Variants in VPS33A observed in about 807,000 individuals in gnomAD.
VPS33A encodes the protein vacuolar protein sorting-associated protein 33A.
In VPS33A, 32 loss-of-function variants were observed where a neutral mutation model predicts 71.8. That is an observed-to-expected ratio of 0.45 (90% confidence interval 0.34 to 0.60). VPS33A has a LOEUF of 0.60. VPS33A is among the 20% of genes least tolerant of loss of function. The pLI is 0.02. For missense variants in VPS33A, 625 were observed against 748.5 expected (o/e 0.84, Z 1.92); for synonymous variants, 311 against 292.7 (o/e 1.06, Z -0.64).
chr12:122,254,124 T>C (rs1293919990), intron 4 of VPS33A, among the ~76,000 whole-genome samples: 3 of 152,278 alleles, frequency 2.0e-5, no homozygotes, highest in African/African-American at 4.8e-5. Context: ...CACAGTACCT[T>C]AAGCAATGTT....
intron 11 of VPS33A, among the ~76,000 whole-genome samples, chr12:122,234,674 C>T (rs747634526): frequency 3.9e-5 from 6 of 152,174 alleles, no homozygotes; most frequent in Non-Finnish European, 8.8e-5. Context: ...GCTCTGTGCC[C>T]GGAGATGGAC....
chr12:122,254,236 T>C (rs981108662), intron 4 of VPS33A, among the ~76,000 whole-genome samples: 1 of 152,140 alleles, frequency 6.6e-6, no homozygotes, highest in Non-Finnish European at 1.5e-5. Context: ...GATCTAGATG[T>C]ACCTCCTGAA....
At chr12:122,263,879 C>T (rs1955032278) in intron 2 of VPS33A, among the ~76,000 whole-genome samples, 180 bp from the exon 3 acceptor site, 1 of 152,168 alleles carries the variant, frequency 6.6e-6, no homozygotes, top group Admixed American at 6.5e-5. Flanking sequence ...ACTGTTACTG[C>T]ATCAGCATTC....
chr12:122,266,153 T>G lies in VPS33A; in HGVS notation c.102+154A>C, dbSNP rs2277332. 0.48 allele frequency among the ~76,000 whole-genome samples: 72,605 copies of G among 152,044 alleles called. 20,435 individuals are homozygous for G. The highest frequency in any genetic ancestry group is 0.78 in the African/African-American group (32,299 of 41,474). ...CAGGGCCCCCCCCTTCATCGCTGCC[T>G]CCTGCACAGGGGTGCAGGTAAAAGG... On this transcript the variant is annotated intron_variant, in intron 1 of 12. Transcript: ENST00000267199.
intron 6 of VPS33A, among the ~76,000 whole-genome samples, chr12:122,246,172 G>C (rs1228224554): frequency 1.3e-5 from 2 of 152,116 alleles, no homozygotes; most frequent in African/African-American, 4.8e-5. Context: ...AGGGAATCCA[G>C]GGAAAGAAAA....
At chr12:122,265,559 T>C (rs967269826) in intron 1 of VPS33A, 5 of 283,036 alleles carry the variant, frequency 1.8e-5, no homozygotes, top group East Asian at 1.5e-4. Flanking sequence ...GATTTCAGCA[T>C]CCTTTTCTGA....
At position 122,266,397 on chromosome 12, in the gene VPS33A, A is replaced by G. The variant is rs2136157760; in HGVS notation, c.12T>C (p.His4=). 1 of 1,611,190 alleles carries G rather than the reference A, an allele frequency of 6.2e-7. No homozygotes were observed. Among genetic ancestry groups the G allele is most frequent in the Non-Finnish European group, 8.5e-7 (1 of 1,178,212 alleles). Residue 4 remains histidine (H), a synonymous_variant, in exon 1 of 13, where the codon CAT becomes CAC. Transcript: ENST00000267199. MAA[H]LSYGRVNLNV... is the part of the protein sequence containing the mutation. ...TTAGGTTCACTCGGCCGTAGGACAG[A>G]TGAGCCGCCATCTTGCTCCACCACC... is the stretch of plus-strand genomic sequence containing the variant.
intron 6 of VPS33A, among the ~76,000 whole-genome samples, chr12:122,246,443 G>T (rs1224665101): frequency 1.4e-5 from 2 of 141,280 alleles, no homozygotes; most frequent in African/African-American, 5.3e-5. Flanking sequence ...AGGATTACAG[G>T]CGCCCGCCAC....
intron 8 of VPS33A, chr12:122,241,119 A>C (rs1170121503): frequency 4.7e-5 from 7 of 148,578 alleles, no homozygotes; most frequent in Admixed American, 2.0e-4. Flanking sequence ...GGGCAACAAG[A>C]GTGAAACTCC....
Position 122,263,643 on chromosome 12 carries a change from A to T in VPS33A, c.225T>A (p.Asp75Glu). Residue 75 changes from aspartate (D) to glutamate (E), a missense_variant, in exon 3 of 13, where the codon GAT becomes GAA. By Grantham distance (45) the Asp-to-Glu change is conservative. Coordinates refer to ENST00000267199, the MANE Select transcript of VPS33A (RefSeq NM_022916.6). ...TLKGNRLPAA[D>E]VKNIIFFVRP... ...TGACAAAAAAAATTATATTCTTCAC[A>T]TCAGCTGCCGGCAAACGATTTCCTT... is the stretch of plus-strand genomic sequence containing the variant. The T allele has an allele frequency of 6.2e-7, 1 of 1,613,420 alleles. No individual in the cohort carries two copies. The highest frequency in any genetic ancestry group is 1.1e-5 in the South Asian group (1 of 91,022).
chr12:122,235,764 G>A (rs538348057), intron 11 of VPS33A, 22 bp downstream of exon 11: 25 of 1,600,518 alleles, frequency 1.6e-5, no homozygotes, highest in Middle Eastern at 1.7e-4. Context: ...AAGCTGAGAC[G>A]AGGTGGAGAA....
At chr12:122,243,782 A>C (rs763231085) in intron 7 of VPS33A, among the ~76,000 whole-genome samples, 1 of 152,004 alleles carries the variant, frequency 6.6e-6, no homozygotes, top group Admixed American at 6.6e-5. Flanking sequence ...TCTGCCAGGC[A>C]TGATGGCATG....
At position 122,239,937 on chromosome 12, in the gene VPS33A, C is replaced by G. The variant is rs748835258; in HGVS notation, c.1105G>C (p.Asp369His). 6.2e-7 allele frequency: 1 copy of G among 1,612,760 alleles called. No homozygotes were observed. The highest frequency in any genetic ancestry group is 8.5e-7 in the Non-Finnish European group (1 of 1,179,328). The change falls in exon 9 of 13, where the codon GAC (aspartate) becomes CAC (histidine). Residue 369 changes from aspartate (D) to histidine (H), a missense_variant. By Grantham distance (81) the Asp-to-His change is moderately conservative. Coordinates refer to ENST00000267199, the MANE Select transcript of VPS33A (RefSeq NM_022916.6). ...ELIKDVTTSE[D>H]FFDKLTVEQE... ...TCCACGGTTAATTTATCAAAAAAGT[C>G]TTCAGAAGCTAAAATGAAATTAGCA...
intron 11 of VPS33A, among the ~76,000 whole-genome samples, chr12:122,234,348 G>C (rs1954602438): frequency 6.6e-6 from 1 of 152,070 alleles, no homozygotes; most frequent in Non-Finnish European, 1.5e-5. Context: ...TGCAATCTCA[G>C]CTCACTGTAG....
intron 9 of VPS33A, among the ~76,000 whole-genome samples, chr12:122,239,655 C>A (rs992352861): frequency 6.7e-6 from 1 of 148,524 alleles, no homozygotes; most frequent in African/African-American, 2.5e-5. Context: ...GGCGTCAACC[C>A]GGGAGGCGGA....
intron 4 of VPS33A, chr12:122,253,672 A>G (rs1954875339): frequency 6.5e-6 from 1 of 154,156 alleles, no homozygotes; most frequent in Non-Finnish European, 1.5e-5. Context: ...TAAAAGATGT[A>G]AAAGTTAACA....
In VPS33A at chr12:122,238,693, T is replaced by C; in HGVS notation, c.1196A>G (p.Gln399Arg). ...TAACACCTTGATCAACGAGTGCTTT[T>C]GGGCGATACAATCCTCAATGTAATT... ...VNNYIEDCIA[Q>R]KHSLIKVLRL... Residue 399 changes from glutamine to arginine, a missense_variant, in exon 10 of 13, where the codon CAA becomes CGA. Coordinates refer to ENST00000267199, the MANE Select transcript of VPS33A (RefSeq NM_022916.6). The C allele has an allele frequency of 6.2e-7, 1 of 1,613,856 alleles. No individual in the cohort carries two copies. The highest frequency in any genetic ancestry group is 8.5e-7 in the Non-Finnish European group (1 of 1,179,962).
intron 1 of VPS33A, among the ~76,000 whole-genome samples, 175 bp downstream of exon 1, chr12:122,266,132 G>GCC (rs146100866): frequency 9.9e-5 from 15 of 151,830 alleles, no homozygotes; most frequent in African/African-American, 1.5e-4. Context: ...TACGCCCAGG[G>GCC]CCCCCCCCTT....
In VPS33A at chr12:122,250,073, G is replaced by A. The variant is rs772738151; in HGVS notation, c.601-28C>T. 5.1e-6 allele frequency: 8 copies of A among 1,564,294 alleles called. No homozygotes were observed. In the South Asian group the frequency reaches 9.6e-5, roughly 19 times the overall value. ...GGAAACAAAACATTGGATGAGGTGGGGCCCCCCTGGGAACAAGCAGATTTT... is the reference window on the plus strand; with the variant it reads ...GGAAACAAAACATTGGATGAGGTGGAGCCCCCCTGGGAACAAGCAGATTTT... On this transcript the variant is annotated intron_variant, in intron 5 of 12. Coordinates refer to ENST00000267199, the MANE Select transcript of VPS33A (RefSeq NM_022916.6).
Sources: allele counts gnomAD v4.1 joint callset (sites outside exome capture counted in the v4.1 genomes callset), GRCh38; gene constraint gnomAD v4.1.1; transcripts MANE v1.5; gene names NCBI Gene and HGNC (gene_info 2026-07-23, HGNC 2026-07-21).